COL24A1: variants seen among roughly 807,000 people sequenced by gnomAD.
COL24A1 encodes collagen alpha-1(XXIV) chain.
In COL24A1, 224 loss-of-function variants were observed where a neutral mutation model predicts 253.9. The observed-to-expected ratio is 0.88, with a 90% confidence interval of 0.79 to 0.99. The LOEUF is 0.99. COL24A1 is among the 50% of genes least tolerant of loss of function. The pLI is 0.00. For missense variants in COL24A1, 2,131 were observed against 2,068.5 expected (o/e 1.03, Z -0.59); for synonymous variants, 685 against 673.7 (o/e 1.02, Z -0.26).
intron 22 of COL24A1, among the ~76,000 whole-genome samples, chr1:85,966,437 C>T (rs573002416): frequency 6.6e-6 from 1 of 152,116 alleles, no homozygotes; most frequent in African/African-American, 2.4e-5. Flanking sequence ...AAGAAATAAT[C>T]TTAGAAACCA....
At chr1:86,117,699 G>T (rs1557692850) in intron 3 of COL24A1, among the ~76,000 whole-genome samples, 1 of 152,086 alleles carries the variant, frequency 6.6e-6, no homozygotes, top group African/African-American at 2.4e-5. Context: ...TACCAGAGAA[G>T]AATCATAATT....
At chr1:86,027,559 T>A (rs527542176) in intron 14 of COL24A1, among the ~76,000 whole-genome samples, 70 of 152,088 alleles carry the variant, frequency 4.6e-4, no homozygotes, top group Middle Eastern at 3.2e-3. Flanking sequence ...TGCACAGAAG[T>A]CAATAATTGA....
chr1:85,985,162 A>G, intron 20 of COL24A1, among the ~76,000 whole-genome samples: 1 of 151,886 alleles, frequency 6.6e-6, no homozygotes, highest in East Asian at 1.9e-4. Context: ...ATATAGGAAA[A>G]GAATATTCCA....
chr1:86,047,317 G>C (rs1559113744), intron 11 of COL24A1, among the ~76,000 whole-genome samples: 1 of 152,170 alleles, frequency 6.6e-6, no homozygotes. Context: ...ATAAGCCTTA[G>C]GGTAAAGACA....
At chr1:86,071,672 G>A (rs2101842763) in intron 7 of COL24A1, among the ~76,000 whole-genome samples, 1 of 152,122 alleles carries the variant, frequency 6.6e-6, no homozygotes, top group Admixed American at 6.5e-5. Flanking sequence ...TATAACAAAG[G>A]GGTCAATTCA....
At chr1:86,130,832 G>C (rs967495309) in intron 2 of COL24A1, among the ~76,000 whole-genome samples, 1 of 151,872 alleles carries the variant, frequency 6.6e-6, no homozygotes, top group Non-Finnish European at 1.5e-5. Context: ...TAGTTTGTAT[G>C]GCATTTATAT....
rs560910063 is a variant in COL24A1 at position 85,744,602 on chromosome 1, C to G, written c.4672+64G>C. 2.6e-5 allele frequency: 36 copies of G among 1,391,450 alleles called. No individual in the cohort carries two copies. The East Asian group carries it at 7.7e-4, about 30-fold the overall frequency. 86.2% of individuals were successfully genotyped at this position (1,391,450 alleles called of 1,614,324 possible). A position where few individuals can be genotyped will look rare whatever the true frequency, so the allele number is the denominator to read the frequency against. On this transcript the variant is annotated intron_variant, in intron 57 of 59. Transcript: ENST00000370571. Reference sequence around the variant, plus strand: ...GATTTGGAGTGAACACATTACAAATCTCAAACACACTGAAATGATGAAATG... The same window carrying G: ...GATTTGGAGTGAACACATTACAAATGTCAAACACACTGAAATGATGAAATG...
At chr1:85,799,009 G>A (rs1460020053) in intron 47 of COL24A1, among the ~76,000 whole-genome samples, 3 of 152,090 alleles carry the variant, frequency 2.0e-5, no homozygotes, top group South Asian at 2.1e-4. Context: ...AGTTGAACTC[G>A]ATGAAAACAT....
intron 57 of COL24A1, among the ~76,000 whole-genome samples, chr1:85,742,765 AT>A (rs1456855128): frequency 6.6e-6 from 1 of 152,092 alleles, no homozygotes; most frequent in African/African-American, 2.4e-5. Flanking sequence ...CATCCAATCT[AT>A]CAACAAAAAC....
At chr1:85,780,621 C>A (rs1302741726) in intron 52 of COL24A1, among the ~76,000 whole-genome samples, 2 of 152,126 alleles carry the variant, frequency 1.3e-5, no homozygotes, top group Non-Finnish European at 1.5e-5. Context: ...ACTAGATGAA[C>A]CTCCATAAAC....
intron 19 of COL24A1, among the ~76,000 whole-genome samples, chr1:85,994,324 A>C (rs1694565462): frequency 6.6e-6 from 1 of 152,006 alleles, no homozygotes; most frequent in African/African-American, 2.4e-5. Flanking sequence ...TTCAATAAAC[A>C]TTCAATGGCC....
chr1:86,063,808 G>A (rs1701284242), intron 7 of COL24A1, 49 bp from the exon 8 acceptor site: 2 of 1,360,226 alleles, frequency 1.5e-6, no homozygotes, highest in Non-Finnish European at 2.0e-6. Flanking sequence ...ACTCATATAA[G>A]CCAAATAACG....
intron 7 of COL24A1, among the ~76,000 whole-genome samples, chr1:86,070,108 C>A (rs1458769855): frequency 5.3e-5 from 8 of 152,036 alleles, no homozygotes; most frequent in Admixed American, 2.6e-4. Flanking sequence ...AGAATGCTGT[C>A]AGAAAAATTT....
intron 24 of COL24A1, among the ~76,000 whole-genome samples, chr1:85,946,731 T>C (rs1402435476): frequency 6.6e-6 from 1 of 152,212 alleles, no homozygotes; most frequent in African/African-American, 2.4e-5. Flanking sequence ...TCAAAACCCA[T>C]GTACTTTCTA....
intron 43 of COL24A1, among the ~76,000 whole-genome samples, chr1:85,825,277 T>C (rs566036469): frequency 6.6e-6 from 1 of 152,268 alleles, no homozygotes; most frequent in African/African-American, 2.4e-5. Flanking sequence ...GGCTGCATAG[T>C]ATTCCATGGT....
At chr1:86,123,795 A>G (rs1647789166) in intron 3 of COL24A1, among the ~76,000 whole-genome samples, 2 of 151,978 alleles carry the variant, frequency 1.3e-5, no homozygotes, top group South Asian at 4.1e-4. Context: ...TTAAATGTCT[A>G]AACATTTACT....
intron 7 of COL24A1, among the ~76,000 whole-genome samples, chr1:86,076,871 A>G (rs901523010): frequency 1.3e-5 from 2 of 152,232 alleles, no homozygotes; most frequent in Non-Finnish European, 2.9e-5. Flanking sequence ...TAAATGTTAG[A>G]CCTGAAACCA....
intron 24 of COL24A1, among the ~76,000 whole-genome samples, chr1:85,940,734 T>C (rs190377151): frequency 1.3e-5 from 2 of 152,316 alleles, no homozygotes; most frequent in East Asian, 3.9e-4. Context: ...ATTTGACTCT[T>C]GGATCAAAAA....
In COL24A1 at chr1:85,745,574, T is replaced by C; in HGVS notation, c.4438-68A>G. ...ACTGAGTGCCCTAAAGTAAAGGCTGTAAATTCTGAAAGCACTGCTGTTAAA... is the reference window on the plus strand; with the variant it reads ...ACTGAGTGCCCTAAAGTAAAGGCTGCAAATTCTGAAAGCACTGCTGTTAAA... On this transcript the variant is annotated intron_variant, in intron 55 of 59. Transcript: ENST00000370571. 2.6e-6 allele frequency: 3 copies of C among 1,146,918 alleles called. No homozygotes were observed. The South Asian group carries it at 4.3e-5, about 16-fold the overall frequency. The allele number at this position is 1,146,918 out of a possible 1,614,324, so 71.0% of individuals were successfully genotyped here.
Sources: allele counts gnomAD v4.1 joint callset (sites outside exome capture counted in the v4.1 genomes callset), GRCh38; gene constraint gnomAD v4.1.1; transcripts MANE v1.5; gene names NCBI Gene and HGNC (gene_info 2026-07-23, HGNC 2026-07-21).